VMP1: variants seen among roughly 807,000 people sequenced by gnomAD.
VMP1 encodes ectopic P-granules autophagy protein 3 homolog.
VMP1 carries 11 observed loss-of-function variants against 56.0 expected under a neutral mutation model. The observed-to-expected ratio is 0.20, with a 90% CI of 0.12 to 0.32. VMP1 has a LOEUF of 0.32. Among genes scored for constraint, VMP1 ranks in the 10% least tolerant of loss-of-function variants. The probability of loss-of-function intolerance (pLI) is 1.00; values close to 1 mark genes in which losing one functional copy is unlikely to be tolerated. For synonymous variants in VMP1, 149 were observed against 165.0 expected (o/e 0.90, Z 0.74); for missense variants, 296 against 490.3 (o/e 0.60, Z 3.74).
intron 1 of VMP1, among the ~76,000 whole-genome samples, chr17:59,721,106 G>A (rs537390290): frequency 2.4e-4 from 37 of 152,306 alleles, no homozygotes; most frequent in Middle Eastern, 6.8e-3. Flanking sequence ...AGCACTTTGG[G>A]AGGCCAAGGT....
At chr17:59,784,100 A>AGTGTGTGT (rs536985526) in intron 7 of VMP1, among the ~76,000 whole-genome samples, 76 of 139,184 alleles carry the variant, frequency 5.5e-4, no homozygotes, top group South Asian at 1.7e-3. Flanking sequence ...CATCAAAAAG[A>AGTGTGTGT]GTGTGTGTGT....
intron 1 of VMP1, among the ~76,000 whole-genome samples, chr17:59,722,252 A>G (rs915126341): frequency 6.6e-6 from 1 of 152,122 alleles, no homozygotes; most frequent in Admixed American, 6.6e-5. Flanking sequence ...ACAAAATACT[A>G]TTTGGGAGCA....
intron 7 of VMP1, among the ~76,000 whole-genome samples, chr17:59,792,202 G>A (rs894469014): frequency 2.0e-5 from 3 of 151,972 alleles, no homozygotes; most frequent in Non-Finnish European, 4.4e-5. Context: ...GCTTGAGCCC[G>A]AGAGGTCATG....
Position 59,825,077 on chromosome 17 carries a change from ATTTTTTT to A in VMP1, c.974+7325_974+7331del, listed in dbSNP as rs747807694. On this transcript the variant is annotated intron_variant, in intron 10 of 11. Transcript: ENST00000262291. ...CTCAAAAGGCATTATGTTAGTTGTG[ATTTTTTT>A]TTTTTTTTTTTTTTTTTTTTGAGAC... 4.6e-4 allele frequency among the ~76,000 whole-genome samples: 32 copies of A among 70,098 alleles called. 1 individual carries two copies. The Admixed American group carries it at 5.6e-3, about 12-fold the overall frequency. The allele number at this position is 70,098 out of a possible 152,430, so 46.0% of individuals were successfully genotyped here.
At position 59,715,560 on chromosome 17, in the gene VMP1, G is replaced by A. The variant is rs560976042; in HGVS notation, c.-27+7812G>A. ...TTACAGGACCCTCCCTGGACACATC[G>A]GGATTACAGTTTAGGTGGGGACACA... On this transcript the variant is annotated intron_variant, in intron 1 of 11. Coordinates refer to ENST00000262291, the MANE Select transcript of VMP1 (RefSeq NM_030938.5). Among the ~76,000 whole-genome samples the A allele has an allele frequency of 8.8e-4, 134 of 152,218 alleles. 3 individuals are homozygous for A. In the South Asian group the frequency reaches 0.026, roughly 30 times the overall value.
At chr17:59,774,789 T>C (rs2036558053) in intron 7 of VMP1, among the ~76,000 whole-genome samples, 1 of 152,114 alleles carries the variant, frequency 6.6e-6, no homozygotes, top group African/African-American at 2.4e-5. Context: ...TAAACATAGC[T>C]TACTGCAGCT....
intron 1 of VMP1, among the ~76,000 whole-genome samples, chr17:59,714,988 T>C (rs1197168961): frequency 6.6e-6 from 1 of 152,190 alleles, no homozygotes; most frequent in African/African-American, 2.4e-5. Flanking sequence ...GGCCTATTTC[T>C]GTATTCTCTA....
chr17:59,727,920 A>C (rs2034672267), intron 1 of VMP1, among the ~76,000 whole-genome samples: 1 of 152,240 alleles, frequency 6.6e-6, no homozygotes, highest in South Asian at 2.1e-4. Flanking sequence ...GCTTAAGATC[A>C]CACAACTAAT....
intron 5 of VMP1, among the ~76,000 whole-genome samples, chr17:59,746,776 C>CT (rs1031967875): frequency 3.4e-4 from 52 of 152,286 alleles, no homozygotes; most frequent in Admixed American, 3.3e-3. Context: ...ATTTTTTCTG[C>CT]TGATGGCTTA....
chr17:59,821,084 C>T (rs1316780833), intron 10 of VMP1, among the ~76,000 whole-genome samples: 1 of 151,232 alleles, frequency 6.6e-6, no homozygotes, highest in Non-Finnish European at 1.5e-5. Flanking sequence ...CATTCTCCTG[C>T]CTCAGCCCCC....
chr17:59,767,634 C>T (rs554434987), intron 6 of VMP1, among the ~76,000 whole-genome samples: 6 of 152,068 alleles, frequency 3.9e-5, no homozygotes, highest in African/African-American at 1.2e-4. Flanking sequence ...ACCACTATCT[C>T]GGCTGGCTGT....
rs1169066013 is a variant in VMP1, at chr17:59,805,186, A to C, written c.715-3610A>C. Among the ~76,000 whole-genome samples the C allele has an allele frequency of 3.9e-5, 6 of 152,338 alleles. No individual in the cohort carries two copies. The East Asian group carries it at 1.2e-3, about 29-fold the overall frequency. ...GATTAACTCTTTGTGCTCAAAAAAA[A>C]GATTGTTGAAGCTCCCTTAAGGATA... On this transcript the variant is annotated intron_variant, in intron 7 of 11. Coordinates refer to ENST00000262291, the MANE Select transcript of VMP1 (RefSeq NM_030938.5).
At chr17:59,727,755 TGTATTGGTATTTATA>T (rs1386491047) in intron 1 of VMP1, among the ~76,000 whole-genome samples, 2 of 152,230 alleles carry the variant, frequency 1.3e-5, no homozygotes, top group African/African-American at 4.8e-5. Flanking sequence ...ACTCTTTTGA[TGTATTGGTATTTATA>T]GTCACACATG....
intron 8 of VMP1, among the ~76,000 whole-genome samples, chr17:59,810,083 A>T (rs1411448155): frequency 6.6e-6 from 1 of 152,198 alleles, no homozygotes; most frequent in Admixed American, 6.5e-5. Flanking sequence ...GGAAGAATTT[A>T]TATAAAACCT....
chr17:59,759,625 G>T (rs2035968818), intron 5 of VMP1, among the ~76,000 whole-genome samples: 1 of 151,730 alleles, frequency 6.6e-6, no homozygotes, highest in South Asian at 2.1e-4. Context: ...TTTTTTAAAT[G>T]GTTTTTCTTT....
At chr17:59,755,543 A>C (rs1378396419) in intron 5 of VMP1, among the ~76,000 whole-genome samples, 1 of 152,154 alleles carries the variant, frequency 6.6e-6, no homozygotes, top group Non-Finnish European at 1.5e-5. Context: ...TTATATTTGC[A>C]CTTTTATAGT....
At chr17:59,799,601 C>A (rs920715756) in intron 7 of VMP1, among the ~76,000 whole-genome samples, 12 of 152,146 alleles carry the variant, frequency 7.9e-5, no homozygotes, top group Admixed American at 3.3e-4. Context: ...ATTTCCTAAC[C>A]ACAGTCTTTA....
intron 1 of VMP1, among the ~76,000 whole-genome samples, chr17:59,726,553 C>G (rs1301248609): frequency 1.4e-4 from 21 of 152,250 alleles, no homozygotes; most frequent in African/African-American, 4.8e-4. Flanking sequence ...CTCAGCCTCC[C>G]AAAGTGCTGG....
chr17:59,834,191 A>T (rs1044594361), intron 10 of VMP1: 1 of 152,188 alleles, frequency 6.6e-6, no homozygotes, highest in Non-Finnish European at 1.5e-5. Context: ...TCCTGACCTC[A>T]AGTGATCCGC....
Sources: allele counts gnomAD v4.1 joint callset (sites outside exome capture counted in the v4.1 genomes callset), GRCh38; gene constraint gnomAD v4.1.1; transcripts MANE v1.5; gene names NCBI Gene and HGNC (gene_info 2026-07-23, HGNC 2026-07-21).